NPR3: variants seen among roughly 807,000 people sequenced by gnomAD.
NPR3 encodes the protein natriuretic peptide receptor 3, also known as atrial natriuretic peptide receptor 3.
NPR3 carries 34 observed loss-of-function variants against 54.5 expected under a neutral mutation model. The observed-to-expected ratio is 0.62, with a 90% CI of 0.47 to 0.83. The LOEUF is 0.83. Ranked by LOEUF, NPR3 falls within the 40% of genes least tolerant of loss-of-function variation. NPR3 has a pLI of 0.00. For synonymous variants in NPR3, 289 were observed against 297.1 expected, an observed-to-expected ratio of 0.97 and a Z score of 0.28; for missense variants, 674 against 720.8, an observed-to-expected ratio of 0.94 and a Z score of 0.74.
chr5:32,762,299 G>T (rs1212167533), intron 3 of NPR3, among the ~76,000 whole-genome samples: 1 of 151,540 alleles, frequency 6.6e-6, no homozygotes, highest in Non-Finnish European at 1.5e-5. Context: ...AATCCTCTGG[G>T]TATATACCCA....
chr5:32,773,993 G>T (rs577792059), intron 3 of NPR3, among the ~76,000 whole-genome samples: 7 of 152,204 alleles, frequency 4.6e-5, no homozygotes, highest in Non-Finnish European at 7.3e-5. Flanking sequence ...CTGAGGGCAA[G>T]GGCTAGCTTA....
chr5:32,725,608 G>C (rs1739099674), intron 2 of NPR3, among the ~76,000 whole-genome samples: 1 of 152,040 alleles, frequency 6.6e-6, no homozygotes, highest in South Asian at 2.1e-4. Flanking sequence ...GTGAGATTTG[G>C]GCAGAATTTT....
intron 1 of NPR3, among the ~76,000 whole-genome samples, chr5:32,718,132 AT>A (rs1370847686): frequency 6.7e-6 from 1 of 148,898 alleles, no homozygotes; most frequent in Non-Finnish European, 1.5e-5. Flanking sequence ...CCCATTTCTC[AT>A]TTCATCAGAT....
intron 6 of NPR3, among the ~76,000 whole-genome samples, chr5:32,784,023 A>G (rs16890303): frequency 0.014 from 2,090 of 152,330 alleles, 56 homozygotes; most frequent in African/African-American, 0.048. Flanking sequence ...AAAGCTATGT[A>G]GGACATTTTG....
chr5:32,739,296 G>A (rs1427923490), intron 3 of NPR3, among the ~76,000 whole-genome samples: 1 of 151,568 alleles, frequency 6.6e-6, no homozygotes, highest in Non-Finnish European at 1.5e-5. Context: ...ACAGACAATT[G>A]CTTTTTCATG....
chr5:32,715,165 T>G (rs575184828), intron 1 of NPR3, among the ~76,000 whole-genome samples: 1 of 152,360 alleles, frequency 6.6e-6, no homozygotes, highest in Non-Finnish European at 1.5e-5. Context: ...GGCCTCCTTA[T>G]GTGAGTTTTC....
intron 3 of NPR3, among the ~76,000 whole-genome samples, chr5:32,772,368 C>A (rs992489271): frequency 3.3e-5 from 5 of 152,200 alleles, no homozygotes; most frequent in African/African-American, 4.8e-5. Flanking sequence ...GATTAAGTAA[C>A]CTGTCAGCGC....
At chr5:32,722,209 C>G (rs1031075586) in intron 1 of NPR3, among the ~76,000 whole-genome samples, 2 of 152,128 alleles carry the variant, frequency 1.3e-5, no homozygotes, top group Non-Finnish European at 2.9e-5. Context: ...AAAGCTTGTC[C>G]TCTGGTCCTT....
intron 3 of NPR3, among the ~76,000 whole-genome samples, chr5:32,760,081 TTAAA>T (rs1349087234): frequency 1.3e-5 from 2 of 152,148 alleles, no homozygotes; most frequent in East Asian, 3.9e-4. Context: ...ACTATGTTGT[TTAAA>T]TACGCCATGA....
chr5:32,726,772 A>G (rs1739157358), intron 2 of NPR3, among the ~76,000 whole-genome samples: 1 of 152,232 alleles, frequency 6.6e-6, no homozygotes, highest in Non-Finnish European at 1.5e-5. Context: ...AAGCACAGGA[A>G]AGAAAACAAG....
chr5:32,727,152 G>A (rs1739179778), intron 2 of NPR3, among the ~76,000 whole-genome samples: 1 of 152,140 alleles, frequency 6.6e-6, no homozygotes, highest in Non-Finnish European at 1.5e-5. Context: ...TTTGAGACAG[G>A]ATCTCACCCT....
chr5:32,714,263 C>G (rs1738428142), intron 1 of NPR3, among the ~76,000 whole-genome samples: 1 of 152,240 alleles, frequency 6.6e-6, no homozygotes, highest in Admixed American at 6.5e-5. Context: ...CAGCGGCTGC[C>G]CCGGCGCACG....
At chr5:32,770,504 C>T (rs1741700895) in intron 3 of NPR3, among the ~76,000 whole-genome samples, 1 of 152,058 alleles carries the variant, frequency 6.6e-6, no homozygotes, top group Admixed American at 6.6e-5. Context: ...GCCCTCTTGT[C>T]ATGCTACCTT....
chr5:32,711,896 C>T lies in NPR3; in HGVS notation c.120C>T (p.Gly40=). Residue 40 remains glycine (G), a synonymous_variant, in exon 1 of 8, where the codon GGC becomes GGT. Transcript: ENST00000265074. ...GCGGCGGTGGCGCGGGCATAGGCGGCGGACGCCAGGAGAGAGAGGCGCTGC... is the reference window on the plus strand; with the variant it reads ...GCGGCGGTGGCGCGGGCATAGGCGGTGGACGCCAGGAGAGAGAGGCGCTGC... ...GGGGGGAGIG[G]GRQEREALPP... is the part of the protein sequence containing the mutation. 1 of 1,475,876 alleles carries T rather than the reference C, an allele frequency of 6.8e-7. No homozygotes were observed. The highest frequency in any genetic ancestry group is 9.0e-7 in the Non-Finnish European group (1 of 1,114,930). 91.4% of individuals were successfully genotyped at this position (1,475,876 alleles called of 1,614,324 possible). A position where few individuals can be genotyped will look rare whatever the true frequency, so the allele number is the denominator to read the frequency against.
intron 3 of NPR3, among the ~76,000 whole-genome samples, chr5:32,773,825 A>G (rs1260873377): frequency 1.3e-5 from 2 of 152,238 alleles, no homozygotes; most frequent in Non-Finnish European, 2.9e-5. Context: ...GCATGATAAT[A>G]CCAAACATTT....
upstream of NPR3, among the ~76,000 whole-genome samples, chr5:32,706,680 T>A (rs1040951363): frequency 5.3e-5 from 8 of 152,362 alleles, 1 homozygote; most frequent in Middle Eastern, 3.4e-3. Context: ...TTGTGAGAGT[T>A]TTGATGGGAA....
At chr5:32,720,390 C>T (rs1267660286) in intron 1 of NPR3, among the ~76,000 whole-genome samples, 1 of 152,170 alleles carries the variant, frequency 6.6e-6, no homozygotes, top group Non-Finnish European at 1.5e-5. Flanking sequence ...AAGTATCCCC[C>T]CAATTCAGGG....
intron 2 of NPR3, among the ~76,000 whole-genome samples, chr5:32,728,815 TTGTGTG>T (rs369731308): frequency 0.028 from 2,130 of 76,454 alleles, 54 homozygotes; most frequent in African/African-American, 0.048. Context: ...TTTGGAATAT[TTGTGTG>T]TGTGTGTGTG....
intron 3 of NPR3, among the ~76,000 whole-genome samples, chr5:32,774,205 T>C (rs1402741242): frequency 6.6e-6 from 1 of 152,216 alleles, no homozygotes; most frequent in Non-Finnish European, 1.5e-5. Flanking sequence ...ACATCTACTC[T>C]TCTTTGTACC....
Sources: allele counts gnomAD v4.1 joint callset (sites outside exome capture counted in the v4.1 genomes callset), GRCh38; gene constraint gnomAD v4.1.1; transcripts MANE v1.5; gene names NCBI Gene and HGNC (gene_info 2026-07-23, HGNC 2026-07-21).